Variants in DEUP1 observed in about 807,000 individuals in gnomAD.
The protein encoded by DEUP1 is deuterosome assembly protein 1, also known as coiled-coil domain containing 67.
DEUP1 carries 82 observed loss-of-function variants against 87.4 expected under a neutral mutation model. The ratio of observed to expected loss-of-function variants is 0.94; its 90% CI spans 0.78 to 1.13. The LOEUF (loss-of-function observed/expected upper bound fraction) is 1.13, where lower values mean the gene tolerates loss of function less well. Ranked by LOEUF, DEUP1 falls within the 50% of genes most tolerant of loss-of-function variation. DEUP1 has a pLI of 0.00. For synonymous variants in DEUP1, 214 were observed against 222.7 expected (o/e 0.96, Z 0.35); for missense variants, 663 against 681.5 (o/e 0.97, Z 0.30).
intron 6 of DEUP1, among the ~76,000 whole-genome samples, chr11:93,370,803 C>T (rs1026869823): frequency 1.3e-5 from 2 of 151,968 alleles, no homozygotes; most frequent in African/African-American, 4.8e-5. Context: ...TACCACTAAC[C>T]TCCTTCTCTA....
intron 9 of DEUP1, among the ~76,000 whole-genome samples, chr11:93,393,161 T>C (rs1331437229): frequency 5.0e-5 from 7 of 139,734 alleles, no homozygotes; most frequent in African/African-American, 1.8e-4. Context: ...AATCAGGGCC[T>C]ACTGCAGCCT....
At chr11:93,348,951 T>C (rs1438351652) in intron 2 of DEUP1, among the ~76,000 whole-genome samples, 8 of 152,158 alleles carry the variant, frequency 5.3e-5, no homozygotes, top group Non-Finnish European at 1.0e-4. Context: ...CTGGGAGATA[T>C]AGATATAGAT....
intron 4 of DEUP1, among the ~76,000 whole-genome samples, chr11:93,361,813 C>G (rs1029479260): frequency 6.6e-6 from 1 of 152,010 alleles, no homozygotes; most frequent in South Asian, 2.1e-4. Flanking sequence ...TCTAAATACA[C>G]CAACTGAAAG....
chr11:93,375,412 C>T (rs1285787377), intron 7 of DEUP1, among the ~76,000 whole-genome samples: 1 of 152,102 alleles, frequency 6.6e-6, no homozygotes, highest in Non-Finnish European at 1.5e-5. Flanking sequence ...ATAATGTTGG[C>T]TGTGGGTTTG....
At chr11:93,341,429 C>A (rs1944068804) in intron 2 of DEUP1, among the ~76,000 whole-genome samples, 1 of 152,154 alleles carries the variant, frequency 6.6e-6, no homozygotes, top group South Asian at 2.1e-4. Flanking sequence ...CCATGTGGAA[C>A]TGTAAGTTCA....
At chr11:93,337,475 G>T (rs1376212500) in intron 2 of DEUP1, among the ~76,000 whole-genome samples, 1 of 152,006 alleles carries the variant, frequency 6.6e-6, no homozygotes, top group Non-Finnish European at 1.5e-5. Context: ...CTTGCTTTCT[G>T]GTTAGCCCAG....
chr11:93,427,355 A>T (rs1385525545), intron 13 of DEUP1, among the ~76,000 whole-genome samples: 1 of 152,062 alleles, frequency 6.6e-6, no homozygotes, highest in Admixed American at 6.6e-5. Flanking sequence ...GACAAACCTG[A>T]CAAAAATAAG....
intron 2 of DEUP1, among the ~76,000 whole-genome samples, chr11:93,337,098 G>A (rs1228554110): frequency 2.0e-5 from 3 of 152,106 alleles, no homozygotes; most frequent in African/African-American, 7.2e-5. Flanking sequence ...TGATCCACCA[G>A]ATTCTTCTTA....
intron 8 of DEUP1, among the ~76,000 whole-genome samples, chr11:93,388,413 C>G (rs562271234): frequency 6.6e-6 from 1 of 152,264 alleles, no homozygotes; most frequent in African/African-American, 2.4e-5. Context: ...TGAAAGTGAA[C>G]ATTATCTGCT....
intron 5 of DEUP1, among the ~76,000 whole-genome samples, chr11:93,368,361 C>T (rs1945525959): frequency 6.6e-6 from 1 of 152,170 alleles, no homozygotes; most frequent in Admixed American, 6.5e-5. Context: ...GTGTATTAAT[C>T]CATTCTCACA....
chr11:93,387,893 A>T (rs551784452), intron 8 of DEUP1, among the ~76,000 whole-genome samples: 3 of 152,258 alleles, frequency 2.0e-5, no homozygotes, highest in African/African-American at 7.2e-5. Flanking sequence ...TTCTAATTAT[A>T]TGGGAAGTGT....
intron 13 of DEUP1, among the ~76,000 whole-genome samples, chr11:93,420,589 AG>A (rs1947845090): frequency 6.8e-6 from 1 of 146,142 alleles, no homozygotes. Context: ...AAGGAAATAA[AG>A]GGTATTCAAT....
At chr11:93,417,849 C>T (rs1426865111) in intron 13 of DEUP1, among the ~76,000 whole-genome samples, 2 of 152,186 alleles carry the variant, frequency 1.3e-5, no homozygotes, top group African/African-American at 4.8e-5. Context: ...ATCAATGGAA[C>T]ATAACAGAGC....
chr11:93,395,252 C>T (rs1439133220), intron 10 of DEUP1, among the ~76,000 whole-genome samples: 1 of 152,130 alleles, frequency 6.6e-6, no homozygotes, highest in Non-Finnish European at 1.5e-5. Flanking sequence ...AAATTCCCTC[C>T]ATCCCTTACT....
intron 7 of DEUP1, among the ~76,000 whole-genome samples, chr11:93,379,801 T>G (rs184492152): frequency 2.1e-5 from 3 of 146,170 alleles, no homozygotes; most frequent in Admixed American, 1.4e-4. Context: ...GGAAAGTCCA[T>G]GTTACCTATT....
intron 9 of DEUP1, among the ~76,000 whole-genome samples, chr11:93,392,270 A>G (rs1946786977): frequency 6.6e-6 from 1 of 152,150 alleles, no homozygotes. Context: ...AATGTGAACC[A>G]CCTTCCACAC....
chr11:93,398,466 T>C (rs11020307), intron 11 of DEUP1, among the ~76,000 whole-genome samples: 25,329 of 152,096 alleles, frequency 0.17, 2,271 homozygotes, highest in South Asian at 0.24. Flanking sequence ...TAATAGCTAT[T>C]GTTAAATCAT....
At chr11:93,360,411 C>A (rs1485964421) in intron 4 of DEUP1, among the ~76,000 whole-genome samples, 1 of 152,098 alleles carries the variant, frequency 6.6e-6, no homozygotes, top group South Asian at 2.1e-4. Flanking sequence ...AAAAATCATT[C>A]ATTATAGAAA....
chr11:93,437,580 C>T lies in DEUP1; in HGVS notation c.1676C>T (p.Ala559Val), dbSNP rs752489939. 1.9e-6 allele frequency: 3 copies of T among 1,613,550 alleles called. No individual in the cohort carries two copies. Among genetic ancestry groups the T allele is most frequent in the Non-Finnish European group, 8.5e-7 (1 of 1,179,650 alleles). Residue 559 changes from alanine to valine, a missense_variant, in exon 14 of 14, where the codon GCA becomes GTA. Transcript: ENST00000298050. ...ATGTCCTTCCCAGCATCTTTGGCTG[C>T]ACAGCATTTCCTTCTGGAAGAAGAG... is the stretch of plus-strand genomic sequence containing the variant. ...PDMSFPASLA[A>V]QHFLLEEEKR...
Sources: gnomAD v4.1 joint callset for allele counts (sites outside exome capture counted in the v4.1 genomes callset) on GRCh38, gnomAD v4.1.1 for gene constraint, MANE v1.5 for transcripts, NCBI Gene and HGNC (gene_info 2026-07-23, HGNC 2026-07-21) for gene names.